WIPF3: variants seen among roughly 807,000 people sequenced by gnomAD.
The protein encoded by WIPF3 is WAS/WASL-interacting protein family member 3.
WIPF3 carries 33 observed loss-of-function variants against 38.9 expected under a neutral mutation model. The observed-to-expected ratio is 0.85, with a 90% confidence interval of 0.64 to 1.14. WIPF3 has a LOEUF of 1.14. WIPF3 is among the 50% of genes most tolerant of loss of function. The pLI is 0.00. For synonymous variants in WIPF3, 324 were observed against 269.3 expected, an observed-to-expected ratio of 1.20 and a Z score of -1.99; for missense variants, 711 against 652.5, an observed-to-expected ratio of 1.09 and a Z score of -0.98.
intron 2 of WIPF3, among the ~76,000 whole-genome samples, chr7:29,847,434 A>G (rs943019572): frequency 6.6e-6 from 1 of 152,232 alleles, no homozygotes. Context: ...AGGCCAATTA[A>G]CAGGAGAAAA....
At chr7:29,862,306 T>C (rs1459916445) in intron 2 of WIPF3, among the ~76,000 whole-genome samples, 5 of 152,148 alleles carry the variant, frequency 3.3e-5, no homozygotes, top group African/African-American at 1.2e-4. Context: ...TTCTTTTTCC[T>C]AGGGAAAATG....
intron 2 of WIPF3, among the ~76,000 whole-genome samples, chr7:29,853,334 A>G (rs1334649640): frequency 6.6e-6 from 1 of 152,202 alleles, no homozygotes; most frequent in Non-Finnish European, 1.5e-5. Context: ...ATCCTCTGGA[A>G]TAGGCTGAGC....
intron 2 of WIPF3, among the ~76,000 whole-genome samples, chr7:29,851,230 C>A (rs528505900): frequency 6.6e-6 from 1 of 152,106 alleles, no homozygotes; most frequent in African/African-American, 2.4e-5. Context: ...AGGTGGGGGA[C>A]GGAGATTGAA....
chr7:29,899,923 T>A (rs1786239665), intron 7 of WIPF3, among the ~76,000 whole-genome samples: 1 of 152,116 alleles, frequency 6.6e-6, no homozygotes, highest in African/African-American at 2.4e-5. Flanking sequence ...ATTTATTTAT[T>A]TATTCATTTA....
intron 1 of WIPF3, among the ~76,000 whole-genome samples, chr7:29,824,561 A>G (rs1303846073): frequency 6.6e-6 from 1 of 152,080 alleles, no homozygotes; most frequent in Non-Finnish European, 1.5e-5. Flanking sequence ...AAAAAAAAAA[A>G]AAAGAAAAAA....
chr7:29,852,512 G>A (rs1392744049), intron 2 of WIPF3, among the ~76,000 whole-genome samples: 1 of 152,174 alleles, frequency 6.6e-6, no homozygotes, highest in African/African-American at 2.4e-5. Context: ...GCTATATTAG[G>A]ACATATTATT....
At chr7:29,840,764 A>G (rs751296939) in intron 2 of WIPF3, among the ~76,000 whole-genome samples, 5 of 152,264 alleles carry the variant, frequency 3.3e-5, no homozygotes, top group East Asian at 1.9e-4. Flanking sequence ...TCCAAATACA[A>G]CATGGGCAAG....
At chr7:29,840,974 G>A (rs1784903690) in intron 2 of WIPF3, among the ~76,000 whole-genome samples, 1 of 152,170 alleles carries the variant, frequency 6.6e-6, no homozygotes, top group Admixed American at 6.5e-5. Context: ...TCGAGATGGG[G>A]TCGTTCTTGC....
At chr7:29,888,987 TG>T (rs1362319718) in intron 6 of WIPF3, among the ~76,000 whole-genome samples, 1 of 152,204 alleles carries the variant, frequency 6.6e-6, no homozygotes, top group Non-Finnish European at 1.5e-5. Context: ...CCTCTGATTC[TG>T]GACCCTGGAG....
rs1438306485 is a variant in WIPF3, at chr7:29,834,683, C to T, written c.-42C>T. ...TCTTTTTCAGAGCAGAAGCCACTCT[C>T]TTGGGACCATTCATAAGCAGGAGAC... On this transcript the variant is annotated 5_prime_UTR_variant, in exon 2 of 9. Transcript: ENST00000242140. 6.9e-7 allele frequency: 1 copy of T among 1,455,636 alleles called. No homozygotes were observed. The highest frequency in any genetic ancestry group is 9.0e-7 in the Non-Finnish European group (1 of 1,106,398). 90.2% of individuals were successfully genotyped at this position (1,455,636 alleles called of 1,614,324 possible).
chr7:29,893,048 A>G (rs749245214), intron 7 of WIPF3, among the ~76,000 whole-genome samples: 4 of 152,068 alleles, frequency 2.6e-5, no homozygotes, highest in African/African-American at 4.8e-5. Context: ...CTGGGTGACA[A>G]GAGCAAAATT....
chr7:29,894,883 T>C (rs1032472006), intron 7 of WIPF3, among the ~76,000 whole-genome samples: 2 of 152,042 alleles, frequency 1.3e-5, no homozygotes, highest in East Asian at 1.9e-4. Context: ...ATTGAGTGAA[T>C]GGCTTTGTTT....
At chr7:29,812,226 C>T (rs545320481) in intron 1 of WIPF3, among the ~76,000 whole-genome samples, 48 of 152,224 alleles carry the variant, frequency 3.2e-4, no homozygotes, top group African/African-American at 1.1e-3. Context: ...TCCCCACTCC[C>T]GTATATATAT....
At chr7:29,812,234 T>C (rs1784391266) in intron 1 of WIPF3, among the ~76,000 whole-genome samples, 1 of 152,208 alleles carries the variant, frequency 6.6e-6, no homozygotes, top group Admixed American at 6.5e-5. Flanking sequence ...CCCGTATATA[T>C]ATCCAGATGT....
At chr7:29,888,251 C>A in intron 6 of WIPF3, 34 bp downstream of exon 6, 1 of 1,577,750 alleles carries the variant, frequency 6.3e-7, no homozygotes, top group East Asian at 2.3e-5. Context: ...GGTTTGGCTG[C>A]CAGTAGGAAA....
At chr7:29,812,879 G>A (rs1481989751) in intron 1 of WIPF3, among the ~76,000 whole-genome samples, 1 of 152,166 alleles carries the variant, frequency 6.6e-6, no homozygotes, top group Admixed American at 6.5e-5. Flanking sequence ...GATCTTCATG[G>A]AATTAGTGTT....
chr7:29,896,176 G>T (rs995272946), intron 7 of WIPF3, among the ~76,000 whole-genome samples: 1 of 152,196 alleles, frequency 6.6e-6, no homozygotes, highest in Non-Finnish European at 1.5e-5. Context: ...AGGCATGGTG[G>T]TGTGCTCCTA....
Position 29,870,957 on chromosome 7 carries a change from C to CAA in WIPF3, c.91-4859_91-4858dup, listed in dbSNP as rs397736411. Reference sequence around the variant, plus strand: ...GGGCAACAGAGTGACACCCCATCTCCAAAAAAAAAAAAAAAGAATCAGGCT... The same window carrying CAA: ...GGGCAACAGAGTGACACCCCATCTCCAAAAAAAAAAAAAAAAAGAATCAGGCT... On this transcript the variant is annotated intron_variant, in intron 2 of 8. Coordinates refer to ENST00000242140, the MANE Select transcript of WIPF3 (RefSeq NM_001080529.3). Among the ~76,000 whole-genome samples the CAA allele has an allele frequency of 1.7e-3, 228 of 132,876 alleles. 1 individual carries two copies. Among genetic ancestry groups the CAA allele is most frequent in the Middle Eastern group, 0.012 (3 of 256 alleles). 87.2% of individuals were successfully genotyped at this position (132,876 alleles called of 152,430 possible). A position where few individuals can be genotyped will look rare whatever the true frequency, so the allele number is the denominator to read the frequency against.
At chr7:29,861,269 G>C (rs1331062455) in intron 2 of WIPF3, among the ~76,000 whole-genome samples, 1 of 152,112 alleles carries the variant, frequency 6.6e-6, no homozygotes, top group African/African-American at 2.4e-5. Flanking sequence ...TGGTGATTCT[G>C]GGGGGAGTGG....
Sources: gnomAD v4.1 joint callset for allele counts (sites outside exome capture counted in the v4.1 genomes callset) on GRCh38, gnomAD v4.1.1 for gene constraint, MANE v1.5 for transcripts, NCBI Gene and HGNC (gene_info 2026-07-23, HGNC 2026-07-21) for gene names.